The following ZC3H3 variants were observed in gnomAD, a reference collection of about 807,000 sequenced individuals.
ZC3H3 encodes the protein zinc finger CCCH-type containing 3, also known as zinc finger CCCH domain-containing protein 3.
In ZC3H3, 36 loss-of-function variants were observed where a neutral mutation model predicts 77.3. That is an observed-to-expected ratio of 0.47 (90% CI 0.36 to 0.61). The LOEUF (loss-of-function observed/expected upper bound fraction) is 0.61, where lower values mean the gene tolerates loss of function less well. Among genes scored for constraint, ZC3H3 ranks in the 20% least tolerant of loss-of-function variants. The probability of loss-of-function intolerance (pLI) is 0.00; values close to 1 mark genes in which losing one functional copy is unlikely to be tolerated. For synonymous variants in ZC3H3, 626 were observed against 555.2 expected (o/e 1.13, Z -1.79); for missense variants, 1,331 against 1,312.2 (o/e 1.01, Z -0.22).
chr8:143,521,180 C>A (rs892864579), intron 3 of ZC3H3, among the ~76,000 whole-genome samples: 2 of 152,164 alleles, frequency 1.3e-5, no homozygotes, highest in African/African-American at 4.8e-5. Flanking sequence ...TCCCAAGAGG[C>A]CTTGCCAACG....
At position 143,441,033 on chromosome 8, in the gene ZC3H3, T is replaced by C; in HGVS notation, c.2395A>G (p.Thr799Ala). The C allele has an allele frequency of 6.7e-7, 1 of 1,485,906 alleles. No individual in the cohort carries two copies. The highest frequency in any genetic ancestry group is 8.9e-7 in the Non-Finnish European group (1 of 1,127,368). 92.0% of individuals were successfully genotyped at this position (1,485,906 alleles called of 1,614,324 possible). Residue 799 changes from threonine to alanine, a missense_variant, in exon 10 of 12, where the codon ACC becomes GCC. Around this residue, in one of 3 missense-constraint regions of ZC3H3, gnomAD observed 249 missense variants for 236.9 expected, o/e 1.05. Coordinates refer to ENST00000262577, the MANE Select transcript of ZC3H3 (RefSeq NM_015117.3). ...GCCCGCCGACTGTGGCGTTTCTGGG[T>C]ACGGTGGAGCAGCTGGCACTGGGCG... ...RGAQCQLLHR[T>A]QKRHSRRAAT...
intron 2 of ZC3H3, among the ~76,000 whole-genome samples, chr8:143,537,459 C>T (rs2130519075): frequency 6.6e-6 from 1 of 152,268 alleles, no homozygotes; most frequent in East Asian, 1.9e-4. Flanking sequence ...TGAGGGCCAG[C>T]AAAGGCCAGG....
At chr8:143,492,023 G>T (rs1404465459) in intron 4 of ZC3H3, among the ~76,000 whole-genome samples, 1 of 152,214 alleles carries the variant, frequency 6.6e-6, no homozygotes, top group African/African-American at 2.4e-5. Flanking sequence ...CTGGGGAGGA[G>T]GGCAGAGAAG....
intron 2 of ZC3H3, among the ~76,000 whole-genome samples, chr8:143,537,354 C>G (rs1035230072): frequency 6.6e-6 from 1 of 152,208 alleles, no homozygotes; most frequent in African/African-American, 2.4e-5. Flanking sequence ...CAAGGGAGGC[C>G]ACAGAGCCCA....
At chr8:143,512,776 C>T (rs903130320) in intron 3 of ZC3H3, among the ~76,000 whole-genome samples, 4 of 152,232 alleles carry the variant, frequency 2.6e-5, no homozygotes, top group South Asian at 2.1e-4. Context: ...CGCAAGAGGG[C>T]GCCAGGGACG....
At chr8:143,465,896 G>T in intron 8 of ZC3H3, 48 bp from the exon 9 acceptor site, 17 of 1,584,744 alleles carry the variant, frequency 1.1e-5, no homozygotes, top group Non-Finnish European at 1.4e-5. Context: ...CACCCTCCAG[G>T]GCCCAGAGAC....
intron 3 of ZC3H3, among the ~76,000 whole-genome samples, chr8:143,509,324 A>G (rs1278957355): frequency 6.6e-6 from 1 of 152,264 alleles, no homozygotes; most frequent in Non-Finnish European, 1.5e-5. Flanking sequence ...TTAAGTTATC[A>G]ATAACCCCGA....
chr8:143,438,021 G>A lies in ZC3H3; in HGVS notation c.*35C>T, dbSNP rs761779578. Reference sequence around the variant, plus strand: ...AGCCTCTTTCCTCTCCAAGGATGAGGGTCTGAGGTAGGTGCAGGCCGGTCC... The same window carrying A: ...AGCCTCTTTCCTCTCCAAGGATGAGAGTCTGAGGTAGGTGCAGGCCGGTCC... On this transcript the variant is annotated 3_prime_UTR_variant, in exon 12 of 12. Transcript: ENST00000262577. The A allele has an allele frequency of 2.5e-6, 4 of 1,604,174 alleles. No homozygotes were observed. In the South Asian group the frequency reaches 3.4e-5, roughly 14 times the overall value.
At chr8:143,480,707 G>T (rs911180056) in intron 4 of ZC3H3, among the ~76,000 whole-genome samples, 2 of 152,232 alleles carry the variant, frequency 1.3e-5, no homozygotes, top group African/African-American at 4.8e-5. Context: ...GAGCACCCGG[G>T]CCCTTTCAGG....
intron 1 of ZC3H3, among the ~76,000 whole-genome samples, chr8:143,540,914 T>A (rs546606600): frequency 5.9e-4 from 90 of 151,304 alleles, no homozygotes; most frequent in Middle Eastern, 7.0e-3. Flanking sequence ...CGTGATCGCG[T>A]CACCGCACCC....
chr8:143,475,304 C>T, intron 5 of ZC3H3, 94 bp downstream of exon 5: 2 of 1,417,900 alleles, frequency 1.4e-6, no homozygotes, highest in Non-Finnish European at 9.4e-7. Flanking sequence ...AGAGCAGCCA[C>T]AGCATGTTGG....
chr8:143,474,651 G>C (rs777309674), intron 5 of ZC3H3, among the ~76,000 whole-genome samples: 4 of 152,202 alleles, frequency 2.6e-5, no homozygotes, highest in Non-Finnish European at 5.9e-5. Context: ...TCTCTCTCTA[G>C]GTCCCAGGCG....
In ZC3H3 at chr8:143,441,019, G is replaced by T; in HGVS notation, c.2409C>A (p.His803Gln). The T allele has an allele frequency of 6.8e-7, 1 of 1,478,928 alleles. No individual in the cohort carries two copies. Among genetic ancestry groups the T allele is most frequent in the Non-Finnish European group, 8.9e-7 (1 of 1,122,204 alleles). The allele number at this position is 1,478,928 out of a possible 1,614,324, so 91.6% of individuals were successfully genotyped here. A position where few individuals can be genotyped will look rare whatever the true frequency, so the allele number is the denominator to read the frequency against. The change falls in exon 10 of 12, where the codon CAC becomes CAA. Residue 803 changes from histidine (H) to glutamine (Q), a missense_variant. Physicochemically the swap from His to Gln is conservative, Grantham distance 24. Around this residue, in one of 3 missense-constraint regions of ZC3H3, gnomAD observed 249 missense variants for 236.9 expected, o/e 1.05. Transcript: ENST00000262577. The stretch of plus-strand genomic sequence containing the variant: ...CGGGGGACGTGGCTGCCCGCCGACT[G>T]TGGCGTTTCTGGGTACGGTGGAGCA... Reference protein sequence around the residue: ...CQLLHRTQKRHSRRAATSPAP... With the variant: ...CQLLHRTQKRQSRRAATSPAP...
rs761848529 is a variant in ZC3H3, at chr8:143,539,198, G to C, written c.169C>G (p.Pro57Ala). The C allele has an allele frequency of 6.2e-7, 1 of 1,612,854 alleles. No individual in the cohort carries two copies. The highest frequency in any genetic ancestry group is 1.6e-4 in the Middle Eastern group (1 of 6,084). ...GRAFSARYPR[P>A]SRRGYSSHHG... ...TGGGAAGAGTAGCCCCTCCGGCTTG[G>C]ACGAGGGTAGCGGGCACTAAAGGCT... Residue 57 changes from proline (P) to alanine (A), a missense_variant, in exon 2 of 12, where the codon CCA (proline) becomes GCA (alanine). Coordinates refer to ENST00000262577, the MANE Select transcript of ZC3H3 (RefSeq NM_015117.3).
At chr8:143,456,619 C>T (rs1168417802) in intron 9 of ZC3H3, among the ~76,000 whole-genome samples, 4 of 152,140 alleles carry the variant, frequency 2.6e-5, no homozygotes, top group African/African-American at 4.8e-5. Context: ...CTTATAATCC[C>T]GGCACTTTGG....
chr8:143,539,180 A>G lies in ZC3H3; in HGVS notation c.187T>C (p.Ser63Pro). The G allele has an allele frequency of 2.5e-6, 4 of 1,612,974 alleles. No individual in the cohort carries two copies. The highest frequency in any genetic ancestry group is 3.4e-6 in the Non-Finnish European group (4 of 1,180,022). ...CGCCACGAAGGCCCATGGTGGGAAG[A>G]GTAGCCCCTCCGGCTTGGACGAGGG... The part of the protein sequence containing the change: ...RYPRPSRRGY[S>P]SHHGPSWRKK... The change falls in exon 2 of 12, where the codon TCT becomes CCT. Residue 63 changes from serine (S) to proline (P), a missense_variant. Transcript: ENST00000262577.
chr8:143,495,515 C>A (rs1312396678), intron 4 of ZC3H3, among the ~76,000 whole-genome samples: 1 of 152,212 alleles, frequency 6.6e-6, no homozygotes, highest in East Asian at 1.9e-4. Flanking sequence ...GGGAAGAGGA[C>A]AGAGAAGGGC....
chr8:143,501,632 G>A (rs1298675867), intron 4 of ZC3H3, among the ~76,000 whole-genome samples: 2 of 151,946 alleles, frequency 1.3e-5, no homozygotes, highest in East Asian at 3.9e-4. Context: ...TCACAGGTGT[G>A]AGCCATCATG....
intron 9 of ZC3H3, among the ~76,000 whole-genome samples, chr8:143,443,284 C>CAAAAA (rs34765299): frequency 4.8e-5 from 3 of 61,940 alleles, no homozygotes; most frequent in Non-Finnish European, 9.4e-5. Context: ...GACCCTGTCT[C>CAAAAA]AAAAAAAAAA....
Sources: allele counts gnomAD v4.1 joint callset (sites outside exome capture counted in the v4.1 genomes callset), GRCh38; gene constraint gnomAD v4.1.1; regional missense constraint gnomAD v4.1.1; transcripts MANE v1.5; gene names NCBI Gene and HGNC (gene_info 2026-07-23, HGNC 2026-07-21).